Variants in PLEKHG4 observed in about 807,000 individuals in gnomAD.
PLEKHG4 encodes the protein puratrophin-1.
In PLEKHG4, 85 loss-of-function variants were observed where a neutral mutation model predicts 136.9. That is an observed-to-expected ratio of 0.62 (90% CI 0.52 to 0.74). PLEKHG4 has a LOEUF of 0.74. Among genes scored for constraint, PLEKHG4 ranks in the 30% least tolerant of loss-of-function variants. PLEKHG4 has a pLI of 0.00. For missense variants in PLEKHG4, 1,317 were observed against 1,527.8 expected (o/e 0.86, Z 2.30); for synonymous variants, 577 against 646.9 (o/e 0.89, Z 1.64).
intron 21 of PLEKHG4, 77 bp downstream of exon 21, chr16:67,288,681 C>T: frequency 6.3e-7 from 1 of 1,598,730 alleles, no homozygotes; most frequent in Non-Finnish European, 8.6e-7. Flanking sequence ...AGCCCCTCCC[C>T]AGCCCAGGCT....
In PLEKHG4 at chr16:67,288,319, C is replaced by G. The variant is rs375829197; in HGVS notation, c.3373C>G (p.Leu1125Val). ...HLYRDPALLG[L>V]RCPLYPSFPE... ...GTACAGAGACCCAGCTCTTCTGGGT[C>G]TCCGCTGTCCCCTGTATCCCAGCTT... Residue 1125 changes from leucine (L) to valine (V), a missense_variant, in exon 20 of 22, where the codon CTC (leucine) becomes GTC (valine). Leu to Val is a conservative substitution (Grantham distance 32). Transcript: ENST00000379344. The G allele has an allele frequency of 1.2e-6, 2 of 1,612,438 alleles. No homozygotes were observed. The highest frequency in any genetic ancestry group is 1.7e-6 in the Non-Finnish European group (2 of 1,179,980).
rs917576712 is a variant in PLEKHG4 at position 67,282,034 on chromosome 16, G to A, written c.1031G>A (p.Cys344Tyr). ...CGGCTGGAAGCTCTACTACAGAACT[G>A]CCAGGCAGCTTGTGCCCTGCTCCAG... is the stretch of plus-strand genomic sequence containing the variant. ...RRRLEALLQN[C>Y]QAACALLQGA... Residue 344 changes from cysteine (C) to tyrosine (Y), a missense_variant, in exon 8 of 22, where the codon TGC becomes TAC. Physicochemically the swap from Cys to Tyr is radical, Grantham distance 194 (BLOSUM62 -2). Coordinates refer to ENST00000379344, the MANE Select transcript of PLEKHG4 (RefSeq NM_001129729.3). The A allele has an allele frequency of 2.5e-6, 4 of 1,613,252 alleles. No homozygotes were observed. The highest frequency in any genetic ancestry group is 3.4e-6 in the Non-Finnish European group (4 of 1,179,956).
rs2036303726 is a variant in PLEKHG4, at chr16:67,283,005, A to T, written c.1509+147A>T. On this transcript the variant is annotated intron_variant, in intron 11 of 21. Coordinates refer to ENST00000379344, the MANE Select transcript of PLEKHG4 (RefSeq NM_001129729.3). Reference sequence around the variant, plus strand: ...ATATCAGTTGTAATTAATCACAGTCATATATGTGCCTGTAAACCCAGGCAA... The same window carrying T: ...ATATCAGTTGTAATTAATCACAGTCTTATATGTGCCTGTAAACCCAGGCAA... 5 of 708,698 alleles carry T rather than the reference A, an allele frequency of 7.1e-6. 1 individual carries two copies. The highest frequency in any genetic ancestry group is 7.5e-6 in the Non-Finnish European group (3 of 398,720). 43.9% of individuals were successfully genotyped at this position (708,698 alleles called of 1,614,324 possible).
At position 67,280,137 on chromosome 16, in the gene PLEKHG4, C is replaced by T. The variant is rs1348263934; in HGVS notation, c.93C>T (p.Ala31=). The T allele has an allele frequency of 6.2e-7, 1 of 1,613,814 alleles. No homozygotes were observed. Among genetic ancestry groups the T allele is most frequent in the African/African-American group, 1.3e-5 (1 of 74,940 alleles). ...TTGCTGTGTGCAGTTTCAGGGATGCCTGGGAAGAGGAGGAACCTGCTTCCC... is the reference window on the plus strand; with the variant it reads ...TTGCTGTGTGCAGTTTCAGGGATGCTTGGGAAGAGGAGGAACCTGCTTCCC... ...WRFAVCSFRD[A]WEEEEPASQM... The change falls in exon 2 of 22, where the codon GCC becomes GCT. Residue 31 remains alanine (A), a synonymous_variant. Transcript: ENST00000379344. This position sits in a 1 kb window ranked among gnomAD's most constrained non-coding sequence, Gnocchi z 4.4.
At chr16:67,285,620 T>C (rs1597383816) in intron 14 of PLEKHG4, 84 bp downstream of exon 14, 1 of 1,510,766 alleles carries the variant, frequency 6.6e-7, no homozygotes, top group South Asian at 1.1e-5. Flanking sequence ...TGCCAGTCCC[T>C]GTGCTATGAG....
In PLEKHG4 at chr16:67,287,024, T is replaced by C. The variant is rs149855963; in HGVS notation, c.2950T>C (p.Cys984Arg). The change falls in exon 18 of 22, where the codon TGC (cysteine) becomes CGC (arginine). Residue 984 changes from cysteine (C) to arginine (R), a missense_variant. Cys to Arg is a radical substitution (Grantham distance 180, BLOSUM62 -3). Coordinates refer to ENST00000379344, the MANE Select transcript of PLEKHG4 (RefSeq NM_001129729.3). ...FKMADLGLTE[C>R]CGNSNLRFEI... The stretch of plus-strand genomic sequence containing the variant: ...GATGGCAGACCTTGGTCTCACTGAG[T>C]GCTGTGGGAACAGCAACCTGCGCTT... The C allele has an allele frequency of 6.4e-5, 103 of 1,613,260 alleles. 2 individuals carry two copies. The Middle Eastern group carries it at 6.4e-3, about 100-fold the overall frequency.
In PLEKHG4 at chr16:67,289,056, C is replaced by T. The variant is rs2142494344; in HGVS notation, c.*248C>T. ...ATGACCCCTTCTCCTGTCCCCAGCT[C>T]CCATCCCAGTTGTGGGTTAAGAATA... is the stretch of plus-strand genomic sequence containing the variant. On this transcript the variant is annotated 3_prime_UTR_variant, in exon 22 of 22. Coordinates refer to ENST00000379344, the MANE Select transcript of PLEKHG4 (RefSeq NM_001129729.3). The T allele has an allele frequency of 1.6e-6, 1 of 615,410 alleles. No homozygotes were observed. Among genetic ancestry groups the T allele is most frequent in the Non-Finnish European group, 2.9e-6 (1 of 340,146 alleles). 38.1% of individuals were successfully genotyped at this position (615,410 alleles called of 1,614,324 possible).
chr16:67,278,392 G>C (rs1317159225), upstream of PLEKHG4: 1 of 152,282 alleles, frequency 6.6e-6, no homozygotes, highest in Non-Finnish European at 1.5e-5. Flanking sequence ...GCCTGCCTTA[G>C]AGCCAGGGAA....
chr16:67,281,758 A>T lies in PLEKHG4; in HGVS notation c.926A>T (p.His309Leu), dbSNP rs746127261. ...TTGCCTTCTCAGAGCCTGCTGACCC[A>T]CATCCCAACGGCGGGGCTGCCCACT... ...EQLPSQSLLT[H>L]IPTAGLPTSL... is the part of the protein sequence containing the mutation. Residue 309 changes from histidine (H) to leucine (L), a missense_variant, in exon 7 of 22, where the codon CAC becomes CTC. Coordinates refer to ENST00000379344, the MANE Select transcript of PLEKHG4 (RefSeq NM_001129729.3). 2 of 1,614,084 alleles carry T rather than the reference A, an allele frequency of 1.2e-6. No individual in the cohort carries two copies. Among genetic ancestry groups the T allele is most frequent in the Non-Finnish European group, 1.7e-6 (2 of 1,180,026 alleles).
Position 67,281,001 on chromosome 16 carries a change from C to T in PLEKHG4, c.715C>T (p.Pro239Ser). 1 of 1,614,074 alleles carries T rather than the reference C, an allele frequency of 6.2e-7. No homozygotes were observed. Among genetic ancestry groups the T allele is most frequent in the Non-Finnish European group, 8.5e-7 (1 of 1,180,024 alleles). Residue 239 changes from proline to serine, a missense_variant, in exon 4 of 22, where the codon CCC becomes TCC. By Grantham distance (74) the Pro-to-Ser change is moderately conservative. Transcript: ENST00000379344. ...CCTCCTGCTGTACCTGCGAAGCATC[C>T]CCAGGTTTGAGGGAGGGGGTTGGGA... ...IRLLLYLRSIPRPEVQALGLT... is the reference protein window; with the variant it reads ...IRLLLYLRSISRPEVQALGLT...
Position 67,287,980 on chromosome 16 carries a change from C to A in PLEKHG4, c.3186C>A (p.Asn1062Lys), listed in dbSNP as rs578202848. ...RDIAPSEEAI[N>K]DRTVNYVLKC... ...TTGCTCCCAGCGAGGAAGCCATCAA[C>A]GACCGCACCGTCAACTATGTCCTGA... The change falls in exon 19 of 22, where the codon AAC (asparagine) becomes AAA (lysine). Residue 1062 changes from asparagine to lysine, a missense_variant. Physicochemically the swap from Asn to Lys is moderately conservative, Grantham distance 94 (BLOSUM62 0). Transcript: ENST00000379344. 5 of 1,613,734 alleles carry A rather than the reference C, an allele frequency of 3.1e-6. No individual in the cohort carries two copies. The Admixed American group carries it at 6.7e-5, about 22-fold the overall frequency.
chr16:67,281,144 C>T lies in PLEKHG4; in HGVS notation c.773C>T (p.Ala258Val). 2 of 1,614,062 alleles carry T rather than the reference C, an allele frequency of 1.2e-6. No homozygotes were observed. Among genetic ancestry groups the T allele is most frequent in the Non-Finnish European group, 1.7e-6 (2 of 1,179,972 alleles). The change falls in exon 5 of 22, where the codon GCT becomes GTT. Residue 258 changes from alanine to valine, a missense_variant. By Grantham distance (64) the Ala-to-Val change is moderately conservative (BLOSUM62 0). Coordinates refer to ENST00000379344, the MANE Select transcript of PLEKHG4 (RefSeq NM_001129729.3). ...LTVLVDARIC[A>V]PSSSLFSGLS... ...GTGCTAGTTGATGCCCGAATTTGTG[C>T]TCCAAGTTCTTCCCTCTTCTCTGGG...
chr16:67,278,263 A>T (rs2036061048), upstream of PLEKHG4: 1 of 152,308 alleles, frequency 6.6e-6, no homozygotes, highest in Non-Finnish European at 1.5e-5. Context: ...CCTGCTCATG[A>T]AGAAGGCTCC....
chr16:67,281,308 C>T, intron 5 of PLEKHG4, 124 bp downstream of exon 5: 5 of 786,932 alleles, frequency 6.4e-6, no homozygotes. Context: ...ACTGCAAACT[C>T]TATCTCCCCG....
Position 67,280,925 on chromosome 16 carries a change from C to T in PLEKHG4, c.639C>T (p.Ala213=). 2 of 1,613,156 alleles carry T rather than the reference C, an allele frequency of 1.2e-6. No individual in the cohort carries two copies. The highest frequency in any genetic ancestry group is 1.7e-6 in the Non-Finnish European group (2 of 1,180,026). The change falls in exon 4 of 22, where the codon GCC becomes GCT. Residue 213 remains alanine (A), a synonymous_variant. Transcript: ENST00000379344. The surrounding 1 kb of genome is among the most constrained non-coding windows in gnomAD (Gnocchi z 4.4). ...VQGRAVLLLC[A]HSPAWLQSEC... ...GCCGGGCAGTGCTGCTTCTGTGTGC[C>T]CACAGCCCAGCCTGGCTTCAGTCTG... is the stretch of plus-strand genomic sequence containing the variant.
intron 17 of PLEKHG4, 37 bp from the exon 18 acceptor site, chr16:67,286,963 C>T: frequency 1.2e-6 from 2 of 1,613,006 alleles, no homozygotes; most frequent in Non-Finnish European, 1.7e-6. Context: ...TTTCCCGCCC[C>T]ATGCCTTACC....
chr16:67,282,733 C>T lies in PLEKHG4; in HGVS notation c.1393-9C>T. ...CTCTCTTCACTTTTCCCTGCTTGTG[C>T]TCCTCCAGATTGAAGTGTGGCTGCA... On this transcript the variant is annotated splice_polypyrimidine_tract_variant and intron_variant, in intron 10 of 21. Coordinates refer to ENST00000379344, the MANE Select transcript of PLEKHG4 (RefSeq NM_001129729.3). 2 of 1,613,476 alleles carry T rather than the reference C, an allele frequency of 1.2e-6. No individual in the cohort carries two copies. The highest frequency in any genetic ancestry group is 1.6e-4 in the Middle Eastern group (1 of 6,062).
rs200891766 is a variant in PLEKHG4, at chr16:67,288,314, T to C, written c.3368T>C (p.Leu1123Pro). ...CACCTGTACAGAGACCCAGCTCTTCTGGGTCTCCGCTGTCCCCTGTATCCC... is the reference window on the plus strand; with the variant it reads ...CACCTGTACAGAGACCCAGCTCTTCCGGGTCTCCGCTGTCCCCTGTATCCC... The part of the protein sequence containing the change: ...NLHLYRDPAL[L>P]GLRCPLYPSF... Residue 1123 changes from leucine (L) to proline (P), a missense_variant, in exon 20 of 22, where the codon CTG becomes CCG. Leu to Pro is a moderately conservative substitution (Grantham distance 98). Transcript: ENST00000379344. The C allele has an allele frequency of 1.9e-6, 3 of 1,612,600 alleles. No homozygotes were observed. The highest frequency in any genetic ancestry group is 2.7e-5 in the African/African-American group (2 of 75,060).
At chr16:67,285,676 C>T (rs1425524252) in intron 14 of PLEKHG4, 140 bp downstream of exon 14, 2 of 942,180 alleles carry the variant, frequency 2.1e-6, no homozygotes, top group East Asian at 4.9e-5. Context: ...TGAGGGTGCT[C>T]TTAGTCCAGT....
Sources: gnomAD v4.1 joint callset for allele counts on GRCh38, gnomAD v4.1.1 for gene constraint, Gnocchi (gnomAD v3.1) non-coding constraint, MANE v1.5 for transcripts, NCBI Gene and HGNC (gene_info 2026-07-23, HGNC 2026-07-21) for gene names.